DPYSL4: variants seen among roughly 807,000 people sequenced by gnomAD.
The protein encoded by DPYSL4 is dihydropyrimidinase-related protein 4.
DPYSL4 carries 43 observed loss-of-function variants against 63.4 expected under a neutral mutation model. The ratio of observed to expected loss-of-function variants is 0.68; its 90% CI spans 0.53 to 0.88. DPYSL4 has a LOEUF of 0.88. Among genes scored for constraint, DPYSL4 ranks in the 40% least tolerant of loss-of-function variants. DPYSL4 has a pLI of 0.00. For missense variants in DPYSL4, 733 were observed against 819.5 expected (o/e 0.89, Z 1.29); for synonymous variants, 353 against 331.7 (o/e 1.06, Z -0.70).
chr10:132,188,115 A>T (rs1018713323), intron 1 of DPYSL4, among the ~76,000 whole-genome samples: 1 of 151,852 alleles, frequency 6.6e-6, no homozygotes, highest in Non-Finnish European at 1.5e-5. Flanking sequence ...TTGATGCAGG[A>T]GGTCTTGCCA....
At chr10:132,188,073 C>T (rs1347136909) in intron 1 of DPYSL4, among the ~76,000 whole-genome samples, 1 of 152,148 alleles carries the variant, frequency 6.6e-6, no homozygotes, top group Non-Finnish European at 1.5e-5. Context: ...GGGCTGCTGC[C>T]TCCAGAGGGT....
At chr10:132,190,117 C>T (rs987651408) in intron 1 of DPYSL4, among the ~76,000 whole-genome samples, 3 of 152,282 alleles carry the variant, frequency 2.0e-5, no homozygotes, top group African/African-American at 7.2e-5. Context: ...CATGGCCCTG[C>T]CATGGCGCCC....
At chr10:132,191,999 C>A (rs2061885355) in intron 2 of DPYSL4, among the ~76,000 whole-genome samples, 1 of 140,098 alleles carries the variant, frequency 7.1e-6, no homozygotes, top group African/African-American at 2.6e-5. Flanking sequence ...GGTATCCAGG[C>A]AGGTGAAAGT....
At position 132,192,783 on chromosome 10, in the gene DPYSL4, C is replaced by T. The variant is rs753509681; in HGVS notation, c.254C>T (p.Pro85Leu). ...RLQMPVLGMT[P>L]ADDFCQGTKA... Reference sequence around the variant, plus strand: ...CAGATGCCTGTCCTGGGCATGACACCGGCTGACGACTTCTGTCAGGGCACC... The same window carrying T: ...CAGATGCCTGTCCTGGGCATGACACTGGCTGACGACTTCTGTCAGGGCACC... Residue 85 changes from proline to leucine, a missense_variant, in exon 3 of 14, where the codon CCG becomes CTG. Transcript: ENST00000338492. 15 of 1,612,956 alleles carry T rather than the reference C, an allele frequency of 9.3e-6. No individual in the cohort carries two copies. Among genetic ancestry groups the T allele is most frequent in the East Asian group, 8.9e-5 (4 of 44,874 alleles).
chr10:132,194,540 C>T (rs2061916416), intron 3 of DPYSL4, among the ~76,000 whole-genome samples: 2 of 152,234 alleles, frequency 1.3e-5, no homozygotes, highest in African/African-American at 2.4e-5. Flanking sequence ...CCCCGACCTC[C>T]TGTGCTCCTC....
intron 1 of DPYSL4, 49 bp downstream of exon 1, chr10:132,187,151 T>C: frequency 7.0e-7 from 1 of 1,434,436 alleles, no homozygotes; most frequent in Non-Finnish European, 9.5e-7. Flanking sequence ...CCGCCCGGAG[T>C]GGGGCCTGGA....
intron 1 of DPYSL4, among the ~76,000 whole-genome samples, 181 bp from the exon 2 acceptor site, chr10:132,190,566 T>C (rs906400171): frequency 1.3e-5 from 2 of 152,250 alleles, no homozygotes; most frequent in African/African-American, 4.8e-5. Context: ...GGGCAACTGT[T>C]TTTGAGCGCC....
intron 6 of DPYSL4, among the ~76,000 whole-genome samples, chr10:132,197,965 G>A (rs2061966633): frequency 1.3e-5 from 2 of 152,202 alleles, no homozygotes; most frequent in Non-Finnish European, 1.5e-5. Flanking sequence ...GCTTCTGGCC[G>A]GTACCATGTC....
intron 1 of DPYSL4, among the ~76,000 whole-genome samples, chr10:132,188,492 TGCG>T (rs1472467237): frequency 3.3e-5 from 5 of 152,210 alleles, no homozygotes; most frequent in Non-Finnish European, 5.9e-5. Context: ...CAGGGCCTGA[TGCG>T]GCCACAGAGG....
chr10:132,194,080 C>A (rs555582566), intron 3 of DPYSL4, among the ~76,000 whole-genome samples: 2 of 152,070 alleles, frequency 1.3e-5, no homozygotes, highest in East Asian at 3.9e-4. Flanking sequence ...ACCACAGACA[C>A]GAGGCTGGCC....
intron 11 of DPYSL4, 84 bp from the exon 12 acceptor site, chr10:132,202,562 G>A: frequency 6.5e-7 from 1 of 1,548,850 alleles, no homozygotes; most frequent in Non-Finnish European, 8.8e-7. Context: ...ACGCTGGGCG[G>A]CCACAGTGCT....
At chr10:132,188,685 G>C (rs1174402880) in intron 1 of DPYSL4, among the ~76,000 whole-genome samples, 1 of 152,224 alleles carries the variant, frequency 6.6e-6, no homozygotes, top group Non-Finnish European at 1.5e-5. Context: ...CGCTGTTCCT[G>C]TCTCAGCTGC....
At chr10:132,196,737 G>A in intron 4 of DPYSL4, 124 bp from the exon 5 acceptor site, 1 of 1,100,382 alleles carries the variant, frequency 9.1e-7, no homozygotes, top group South Asian at 1.4e-5. Context: ...TGGCAAGCCA[G>A]TGAGGGAAGC....
chr10:132,201,650 C>T (rs116671529), intron 10 of DPYSL4, among the ~76,000 whole-genome samples: 1,824 of 152,330 alleles, frequency 0.012, 44 homozygotes, highest in African/African-American at 0.041. Context: ...TGGCGAGGGC[C>T]GTGGCTGGAG....
chr10:132,196,947 G>C (rs1415247813), intron 5 of DPYSL4, 25 bp downstream of exon 5: 1 of 1,613,670 alleles, frequency 6.2e-7, no homozygotes, highest in Non-Finnish European at 8.5e-7. Context: ...GGGGAACGGA[G>C]TGGGCAGGTA....
At chr10:132,203,958 GA>G in intron 13 of DPYSL4, 31 bp downstream of exon 13, 1 of 1,575,222 alleles carries the variant, frequency 6.3e-7, no homozygotes, top group African/African-American at 1.3e-5. Flanking sequence ...CAGTGGGGGT[GA>G]GGGGCTCTGC....
chr10:132,204,018 G>A (rs1039368447), intron 13 of DPYSL4, 91 bp downstream of exon 13: 21 of 1,476,934 alleles, frequency 1.4e-5, no homozygotes, highest in Non-Finnish European at 1.8e-5. Context: ...TGCCCAGAGG[G>A]GCTGCACACG....
Position 132,198,406 on chromosome 10 carries a change from T to G in DPYSL4, c.622-9T>G, listed in dbSNP as rs761432361. ...GGCTTGGAGCGAGGCATCCTGTTGG[T>G]TTCTTTAGGAGCAGAAGCGGTTGCT... On this transcript the variant is annotated splice_polypyrimidine_tract_variant and intron_variant, in intron 6 of 13. Coordinates refer to ENST00000338492, the MANE Select transcript of DPYSL4 (RefSeq NM_006426.3). The G allele has an allele frequency of 6.2e-7, 1 of 1,603,762 alleles. No homozygotes were observed. The highest frequency in any genetic ancestry group is 1.1e-5 in the South Asian group (1 of 88,928).
In DPYSL4 at chr10:132,202,805, A is replaced by AGG. The variant is rs2062036952; in HGVS notation, c.1442_1443dup (p.Ile482GlyfsTer26). 1 of 1,604,226 alleles carries AGG rather than the reference A, an allele frequency of 6.2e-7. No homozygotes were observed. Among genetic ancestry groups the AGG allele is most frequent in the Non-Finnish European group, 8.5e-7 (1 of 1,175,112 alleles). ...AACATTCCCGGACTTTGTCTACAAG[A>AGG]GGATCAAAGCTCGCAACAGGGTAGG... is the stretch of plus-strand genomic sequence containing the variant. On this transcript the variant is annotated frameshift_variant, in exon 12 of 14. Transcript: ENST00000338492. LOFTEE classifies it high-confidence loss of function.
Sources: allele counts gnomAD v4.1 joint callset (sites outside exome capture counted in the v4.1 genomes callset), GRCh38; gene constraint gnomAD v4.1.1; transcripts MANE v1.5; gene names NCBI Gene and HGNC (gene_info 2026-07-23, HGNC 2026-07-21).